Variants in WWTR1 observed in about 807,000 individuals in gnomAD.
WWTR1 encodes WW domain containing transcription regulator 1.
A neutral mutation model predicts 40.1 loss-of-function variants in WWTR1; 13 were observed. The observed-to-expected ratio is 0.32, with a 90% confidence interval of 0.21 to 0.52. WWTR1 has a LOEUF of 0.52. WWTR1 is among the 20% of genes least tolerant of loss of function. WWTR1 has a pLI of 0.97. For synonymous variants in WWTR1, 230 were observed against 210.1 expected (o/e 1.09, Z -0.82); for missense variants, 436 against 523.1 (o/e 0.83, Z 1.63).
chr3:149,667,277 T>C (rs1713858740), intron 2 of WWTR1, among the ~76,000 whole-genome samples: 1 of 151,850 alleles, frequency 6.6e-6, no homozygotes, highest in South Asian at 2.1e-4. Context: ...CCGGGCGCAG[T>C]GGCTCACGCC....
intron 3 of WWTR1, among the ~76,000 whole-genome samples, chr3:149,558,017 AAAAG>A (rs1736912664): frequency 6.6e-6 from 1 of 152,188 alleles, no homozygotes; most frequent in East Asian, 1.9e-4. Flanking sequence ...AAAAAAAAAA[AAAAG>A]AATTATATGT....
intron 6 of WWTR1, among the ~76,000 whole-genome samples, chr3:149,522,856 G>A (rs2107898149): frequency 6.6e-6 from 1 of 151,906 alleles, no homozygotes; most frequent in East Asian, 1.9e-4. Context: ...TGCCAACATG[G>A]TGAAACCCTG....
chr3:149,524,299 CAT>C (rs1407715164), intron 6 of WWTR1, among the ~76,000 whole-genome samples: 2 of 148,660 alleles, frequency 1.3e-5, no homozygotes, highest in Admixed American at 1.3e-4. Context: ...TTTAAAGAGA[CAT>C]AGAGTAGAAT....
rs915419455 is a variant in WWTR1 at position 149,517,689 on chromosome 3, T to C, written c.*3116A>G. 4 of 152,196 alleles carry C rather than the reference T, an allele frequency of 2.6e-5. No homozygotes were observed. The highest frequency in any genetic ancestry group is 2.1e-4 in the South Asian group (1 of 4,832). 9.4% of individuals were successfully genotyped at this position (152,196 alleles called of 1,614,324 possible). A position where few individuals can be genotyped will look rare whatever the true frequency, so the allele number is the denominator to read the frequency against. ...TTCACTGTTTTACCTGTTTCCTGTA[T>C]ATGGTGTAATCAGTGAAAGAAATGG... On this transcript the variant is annotated 3_prime_UTR_variant, in exon 7 of 7. Coordinates refer to ENST00000360632, the MANE Select transcript of WWTR1 (RefSeq NM_015472.6).
chr3:149,703,240 T>C (rs1715249675), exon 1 of WWTR1: 1 of 152,320 alleles, frequency 6.6e-6, no homozygotes, highest in South Asian at 2.1e-4. Context: ...AGGCCTTGTG[T>C]TTGGGAGTCT....
At chr3:149,708,477 C>T (rs1186916574) in intron 5 of WWTR1, among the ~76,000 whole-genome samples, 1 of 152,138 alleles carries the variant, frequency 6.6e-6, no homozygotes, top group African/African-American at 2.4e-5. Flanking sequence ...TCCCCTCAAC[C>T]CCCACTGCTG....
intron 1 of WWTR1, among the ~76,000 whole-genome samples, chr3:149,676,769 G>A (rs1039187602): frequency 6.6e-6 from 1 of 152,084 alleles, no homozygotes; most frequent in African/African-American, 2.4e-5. Flanking sequence ...TAAAGGGAGA[G>A]CAGGGAAAGC....
At chr3:149,683,175 T>C (rs1026333968) in intron 1 of WWTR1, among the ~76,000 whole-genome samples, 1 of 152,220 alleles carries the variant, frequency 6.6e-6, no homozygotes, top group Admixed American at 6.5e-5. Flanking sequence ...AACCACCCTA[T>C]GAAAGGGATA....
At chr3:149,668,083 A>G (rs1713907561) in intron 2 of WWTR1, among the ~76,000 whole-genome samples, 1 of 152,186 alleles carries the variant, frequency 6.6e-6, no homozygotes, top group Non-Finnish European at 1.5e-5. Flanking sequence ...GAGTCTGGTT[A>G]GTTGGCATTA....
At position 149,643,055 on chromosome 3, in the gene WWTR1, C is replaced by T. The variant is rs115806349; in HGVS notation, c.431+13821G>A. Among the ~76,000 whole-genome samples the T allele has an allele frequency of 9.5e-3, 1,449 of 152,276 alleles. 21 individuals carry two copies. Among genetic ancestry groups the T allele is most frequent in the African/African-American group, 0.03 (1,230 of 41,552 alleles). ...AGCAAAATACAGAATAGCCTTTTAA[C>T]TACAATACAAGCTTTAACTACAAAA... On this transcript the variant is annotated intron_variant, in intron 2 of 6. Coordinates refer to ENST00000360632, the MANE Select transcript of WWTR1 (RefSeq NM_015472.6).
At chr3:149,713,283 T>C (rs1715521062) in intron 5 of WWTR1, among the ~76,000 whole-genome samples, 1 of 152,218 alleles carries the variant, frequency 6.6e-6, no homozygotes, top group East Asian at 1.9e-4. Flanking sequence ...AAATTCAGGA[T>C]TGTCTATGCC....
At chr3:149,641,443 A>G (rs897415323) in intron 2 of WWTR1, among the ~76,000 whole-genome samples, 2 of 152,220 alleles carry the variant, frequency 1.3e-5, no homozygotes, top group Admixed American at 6.5e-5. Flanking sequence ...CCCTTTATTC[A>G]CACACATGAG....
At chr3:149,541,772 G>A (rs778857520) in intron 4 of WWTR1, among the ~76,000 whole-genome samples, 10 of 151,956 alleles carry the variant, frequency 6.6e-5, no homozygotes, top group African/African-American at 1.4e-4. Context: ...CTCTGAGATC[G>A]CCACACCATA....
chr3:149,716,312 G>A (rs1715606564), intron 5 of WWTR1, among the ~76,000 whole-genome samples: 1 of 151,014 alleles, frequency 6.6e-6, no homozygotes, highest in Non-Finnish European at 1.5e-5. Flanking sequence ...AACCTGGAAG[G>A]CAGAGGGTGC....
At chr3:149,536,636 C>A (rs1735849170) in intron 4 of WWTR1, among the ~76,000 whole-genome samples, 1 of 152,078 alleles carries the variant, frequency 6.6e-6, no homozygotes, top group Admixed American at 6.5e-5. Context: ...CACAGACCTG[C>A]CAAAAGAATT....
intron 2 of WWTR1, among the ~76,000 whole-genome samples, chr3:149,632,320 GA>G (rs1711586113): frequency 6.6e-6 from 1 of 152,166 alleles, no homozygotes; most frequent in Non-Finnish European, 1.5e-5. Flanking sequence ...GCATAGCTCT[GA>G]CTCTAAGGAA....
chr3:149,550,217 A>C (rs200406188), intron 3 of WWTR1, among the ~76,000 whole-genome samples: 2 of 152,240 alleles, frequency 1.3e-5, no homozygotes, highest in East Asian at 3.8e-4. Context: ...CACAATCTTT[A>C]AGAGAAAATC....
chr3:149,671,083 A>T (rs186762791), intron 1 of WWTR1, among the ~76,000 whole-genome samples: 2 of 152,276 alleles, frequency 1.3e-5, no homozygotes, highest in African/African-American at 2.4e-5. Context: ...AATAATAAAT[A>T]AGACTTCGTA....
intron 4 of WWTR1, among the ~76,000 whole-genome samples, chr3:149,720,865 A>G (rs1014082965): frequency 6.6e-6 from 1 of 152,066 alleles, no homozygotes; most frequent in African/African-American, 2.4e-5. Flanking sequence ...TAGGTACTTT[A>G]TTATTTTTGA....
Sources: allele counts gnomAD v4.1 joint callset (sites outside exome capture counted in the v4.1 genomes callset), GRCh38; gene constraint gnomAD v4.1.1; transcripts MANE v1.5; gene names NCBI Gene and HGNC (gene_info 2026-07-23, HGNC 2026-07-21).